ACYP2: variants seen among roughly 807,000 people sequenced by gnomAD.
The protein encoded by ACYP2 is acylphosphatase 2.
ACYP2 carries 12 observed loss-of-function variants against 11.2 expected under a neutral mutation model. The ratio of observed to expected loss-of-function variants is 1.08; its 90% CI spans 0.69 to 1.74. The LOEUF is 1.74. Among genes scored for constraint, ACYP2 ranks in the 40% most tolerant of loss-of-function variants. The pLI is 0.00. For synonymous variants in ACYP2, 43 were observed against 32.2 expected, an observed-to-expected ratio of 1.33 and a Z score of -1.13; for missense variants, 134 against 101.9, an observed-to-expected ratio of 1.31 and a Z score of -1.35.
chr2:54,186,108 TAAAG>T (rs1480683342), intron 6 of ACYP2, among the ~76,000 whole-genome samples: 1 of 152,084 alleles, frequency 6.6e-6, no homozygotes, highest in Non-Finnish European at 1.5e-5. Flanking sequence ...AAATTGAATA[TAAAG>T]AGAGAACTTT....
chr2:54,135,253 A>C lies in ACYP2; in HGVS notation c.278-200A>C, dbSNP rs75378186. Reference sequence around the variant, plus strand: ...CACTATGCTACTCAGAAAGGCATTCAATTTAAAACTTATGAATTGTTTATT... The same window carrying C: ...CACTATGCTACTCAGAAAGGCATTCCATTTAAAACTTATGAATTGTTTATT... On this transcript the variant is annotated intron_variant, in intron 4 of 6. Coordinates refer to ENST00000607452, the MANE Select transcript of ACYP2 (RefSeq NM_001320586.2). 1.8e-3 allele frequency among the ~76,000 whole-genome samples: 279 copies of C among 152,336 alleles called. 1 individual carries two copies. Among genetic ancestry groups the C allele is most frequent in the African/African-American group, 6.3e-3 (261 of 41,572 alleles).
At chr2:54,219,843 G>GTGTGTATATATGTGTA (rs1558622166) in intron 6 of ACYP2, among the ~76,000 whole-genome samples, 2 of 45,384 alleles carry the variant, frequency 4.4e-5, no homozygotes, top group African/African-American at 1.4e-4. Flanking sequence ...ATATGTGTAT[G>GTGTGTATATATGTGTA]TGTGTGTATA....
Position 54,093,942 on chromosome 2 carries a change from AAAACAAAC to A in ACYP2, c.277+36607_277+36614del, listed in dbSNP as rs145012157. Among the ~76,000 whole-genome samples the A allele has an allele frequency of 6.7e-3, 1,013 of 151,076 alleles. 8 individuals are homozygous for A. The highest frequency in any genetic ancestry group is 0.018 in the African/African-American group (747 of 41,008). On this transcript the variant is annotated intron_variant, in intron 4 of 6. Transcript: ENST00000607452. ...GTGACAGAACGAGACTCTGTCTCAAAAAACAAACAAACAAACAAACAAACAAACAAACC... is the reference window on the plus strand; with the variant it reads ...GTGACAGAACGAGACTCTGTCTCAAAAAACAAACAAACAAACAAACAAACC...
intron 6 of ACYP2, among the ~76,000 whole-genome samples, chr2:54,194,364 C>T (rs1684365028): frequency 6.6e-6 from 1 of 152,090 alleles, no homozygotes; most frequent in South Asian, 2.1e-4. Flanking sequence ...CTTTTGGGAA[C>T]ACTGTGTAAT....
At chr2:54,119,450 A>G (rs1374655542) in intron 4 of ACYP2, among the ~76,000 whole-genome samples, 1 of 152,230 alleles carries the variant, frequency 6.6e-6, no homozygotes, top group Non-Finnish European at 1.5e-5. Context: ...AATAATGGCT[A>G]TGAAAGTAAA....
At chr2:54,160,103 C>T (rs954688089) in intron 6 of ACYP2, among the ~76,000 whole-genome samples, 1 of 152,086 alleles carries the variant, frequency 6.6e-6, no homozygotes, top group African/African-American at 2.4e-5. Flanking sequence ...ACAAGTGGCT[C>T]GACAAATGGT....
At chr2:54,054,659 A>G (rs1409283658) in intron 3 of ACYP2, among the ~76,000 whole-genome samples, 1 of 152,242 alleles carries the variant, frequency 6.6e-6, no homozygotes, top group African/African-American at 2.4e-5. Context: ...CTCTACCACA[A>G]CTATACATCT....
intron 6 of ACYP2, among the ~76,000 whole-genome samples, chr2:54,165,427 G>C (rs983108705): frequency 2.6e-5 from 4 of 151,672 alleles, no homozygotes; most frequent in Admixed American, 2.6e-4. Flanking sequence ...GATCTAGAAG[G>C]GACCTGAGAG....
At chr2:53,973,324 C>T (rs1671265095) in intron 1 of ACYP2, among the ~76,000 whole-genome samples, 1 of 152,060 alleles carries the variant, frequency 6.6e-6, no homozygotes, top group Non-Finnish European at 1.5e-5. Flanking sequence ...GTAGGGAGAG[C>T]CGGAAAGAGA....
At chr2:54,263,857 T>C (rs1416802997) in intron 6 of ACYP2, among the ~76,000 whole-genome samples, 3 of 152,028 alleles carry the variant, frequency 2.0e-5, no homozygotes, top group Non-Finnish European at 2.9e-5. Flanking sequence ...AGAGAAGATA[T>C]TACAATCACT....
intron 6 of ACYP2, among the ~76,000 whole-genome samples, chr2:54,298,341 G>A (rs1255503663): frequency 1.1e-5 from 1 of 89,306 alleles, no homozygotes; most frequent in Non-Finnish European, 2.2e-5. Context: ...ATTTATGAAA[G>A]ATTTAAAGGA....
chr2:54,115,969 G>A (rs992398508), intron 4 of ACYP2, among the ~76,000 whole-genome samples: 2 of 152,040 alleles, frequency 1.3e-5, no homozygotes, highest in African/African-American at 2.4e-5. Flanking sequence ...GGAGGGAAGT[G>A]GGGGAGCGGG....
At chr2:54,052,364 A>G (rs192791674) in intron 3 of ACYP2, among the ~76,000 whole-genome samples, 6 of 152,212 alleles carry the variant, frequency 3.9e-5, no homozygotes, top group African/African-American at 7.2e-5. Context: ...AATAGCCACT[A>G]TTGAAAATGT....
At chr2:54,119,402 T>A (rs939125867) in intron 4 of ACYP2, among the ~76,000 whole-genome samples, 8 of 152,134 alleles carry the variant, frequency 5.3e-5, no homozygotes, top group African/African-American at 1.7e-4. Flanking sequence ...AAATAAAGTA[T>A]GGAATAATAA....
At chr2:54,083,460 T>C (rs1677775511) in intron 4 of ACYP2, among the ~76,000 whole-genome samples, 1 of 152,168 alleles carries the variant, frequency 6.6e-6, no homozygotes, top group African/African-American at 2.4e-5. Flanking sequence ...CCCAAAATGT[T>C]CGATTGGGAC....
At chr2:54,079,013 A>G (rs1677503743) in intron 4 of ACYP2, among the ~76,000 whole-genome samples, 1 of 152,254 alleles carries the variant, frequency 6.6e-6, no homozygotes, top group African/African-American at 2.4e-5. Flanking sequence ...TTTAAAAGTG[A>G]GATATATTGC....
intron 6 of ACYP2, among the ~76,000 whole-genome samples, chr2:54,233,383 CT>C (rs1212844603): frequency 6.7e-6 from 1 of 149,536 alleles, no homozygotes; most frequent in Non-Finnish European, 1.5e-5. Context: ...GCAACCTCTA[CT>C]TCCCTGGGCT....
chr2:54,150,389 C>T (rs975608121), intron 6 of ACYP2, among the ~76,000 whole-genome samples: 1 of 152,172 alleles, frequency 6.6e-6, no homozygotes, highest in Non-Finnish European at 1.5e-5. Context: ...CTCTGAGGTC[C>T]TGTCCAGCTA....
chr2:54,247,713 G>GA (rs1274741964), intron 6 of ACYP2, among the ~76,000 whole-genome samples: 3 of 151,998 alleles, frequency 2.0e-5, no homozygotes, highest in Admixed American at 2.0e-4. Context: ...TATGCAAATG[G>GA]AAAAAATCTA....
Sources: gnomAD v4.1 joint callset for allele counts (sites outside exome capture counted in the v4.1 genomes callset) on GRCh38, gnomAD v4.1.1 for gene constraint, MANE v1.5 for transcripts, NCBI Gene and HGNC (gene_info 2026-07-23, HGNC 2026-07-21) for gene names.